Variants in PTPN21 observed in about 807,000 individuals in gnomAD.
PTPN21 encodes protein tyrosine phosphatase non-receptor type 21.
PTPN21 carries 77 observed loss-of-function variants against 131.8 expected under a neutral mutation model. The ratio of observed to expected loss-of-function variants is 0.58; its 90% confidence interval spans 0.49 to 0.71. PTPN21 has a LOEUF of 0.71. Among genes scored for constraint, PTPN21 ranks in the 30% least tolerant of loss-of-function variants. PTPN21 has a pLI of 0.00. For synonymous variants in PTPN21, 715 were observed against 621.3 expected (o/e 1.15, Z -2.24); for missense variants, 1,552 against 1,527.1 (o/e 1.02, Z -0.27).
intron 2 of PTPN21, among the ~76,000 whole-genome samples, chr14:88,541,049 C>A (rs1354642871): frequency 1.3e-5 from 2 of 151,788 alleles, no homozygotes. Context: ...CAAAATAAGT[C>A]AAAACTTATT....
intron 13 of PTPN21, 192 bp from the exon 14 acceptor site, chr14:88,473,994 A>G (rs2077509807): frequency 2.0e-6 from 1 of 511,930 alleles, no homozygotes; most frequent in African/African-American, 2.0e-5. Context: ...TTTCAAGGCC[A>G]AAGCCCTGAT....
intron 10 of PTPN21, among the ~76,000 whole-genome samples, chr14:88,494,908 G>A (rs2077882104): frequency 6.6e-6 from 1 of 150,562 alleles, no homozygotes; most frequent in Non-Finnish European, 1.5e-5. Context: ...AGCTACTCAA[G>A]AGGCTGAGGC....
intron 18 of PTPN21, among the ~76,000 whole-genome samples, 181 bp from the exon 19 acceptor site, chr14:88,468,446 T>C (rs2077400598): frequency 6.6e-6 from 1 of 152,204 alleles, no homozygotes; most frequent in Non-Finnish European, 1.5e-5. Flanking sequence ...GTTTTAGCTA[T>C]AAATAGAATG....
intron 2 of PTPN21, among the ~76,000 whole-genome samples, chr14:88,526,183 G>A (rs1036689657): frequency 6.6e-6 from 1 of 151,990 alleles, no homozygotes; most frequent in African/African-American, 2.4e-5. Context: ...ATTTCCTTTG[G>A]GGGTGATGAA....
chr14:88,536,328 CTT>C (rs1475140586), intron 2 of PTPN21, among the ~76,000 whole-genome samples: 1 of 152,174 alleles, frequency 6.6e-6, no homozygotes, highest in East Asian at 1.9e-4. Flanking sequence ...CATAGCTACT[CTT>C]CTAAAATTGT....
intron 4 of PTPN21, among the ~76,000 whole-genome samples, chr14:88,506,794 C>A (rs2078096999): frequency 6.6e-6 from 1 of 152,074 alleles, no homozygotes; most frequent in African/African-American, 2.4e-5. Context: ...ATAATCCCGG[C>A]ACTTTGGAAG....
At chr14:88,489,455 C>T (rs2077789131) in intron 10 of PTPN21, among the ~76,000 whole-genome samples, 1 of 151,778 alleles carries the variant, frequency 6.6e-6, no homozygotes, top group Admixed American at 6.6e-5. Context: ...GCCTGGGCAA[C>T]ACAGCAAGAC....
At position 88,504,509 on chromosome 14, in the gene PTPN21, A is replaced by T. The variant is rs369824244; in HGVS notation, c.517-14T>A. Reference sequence around the variant, plus strand: ...TTGTAACCATCCCTGAAGAAAACACACAGTGGTAAGTATGTGACAATTCAC... The same window carrying T: ...TTGTAACCATCCCTGAAGAAAACACTCAGTGGTAAGTATGTGACAATTCAC... On this transcript the variant is annotated splice_polypyrimidine_tract_variant and intron_variant, in intron 5 of 18. Transcript: ENST00000556564. The T allele has an allele frequency of 6.2e-7, 1 of 1,604,430 alleles. No homozygotes were observed. Among genetic ancestry groups the T allele is most frequent in the African/African-American group, 1.3e-5 (1 of 74,804 alleles).
intron 3 of PTPN21, among the ~76,000 whole-genome samples, chr14:88,510,953 C>T (rs4516145): frequency 0.35 from 52,325 of 150,626 alleles, 9,675 homozygotes; most frequent in African/African-American, 0.48. Flanking sequence ...TGCTCTATAG[C>T]CCAGGCTGGA....
At chr14:88,485,675 A>G in intron 11 of PTPN21, 107 bp downstream of exon 11, 1 of 762,994 alleles carries the variant, frequency 1.3e-6, no homozygotes, top group African/African-American at 1.7e-5. Context: ...TGAAATATCA[A>G]TACACTTTTA....
At chr14:88,480,480 T>C in intron 12 of PTPN21, 128 bp from the exon 13 acceptor site, 3 of 765,440 alleles carry the variant, frequency 3.9e-6, no homozygotes, top group South Asian at 3.7e-5. Flanking sequence ...TAGAATGACC[T>C]AGCTTTAGCC....
chr14:88,481,401 C>A (rs1051273575), intron 12 of PTPN21, among the ~76,000 whole-genome samples: 1 of 152,168 alleles, frequency 6.6e-6, no homozygotes, highest in South Asian at 2.1e-4. Flanking sequence ...TCTCTGCAAT[C>A]CCCCTTTCCT....
At chr14:88,494,737 G>C (rs1264342081) in intron 10 of PTPN21, among the ~76,000 whole-genome samples, 1 of 151,946 alleles carries the variant, frequency 6.6e-6, no homozygotes, top group Admixed American at 6.6e-5. Context: ...ATCTGGGCAG[G>C]GTGCGGTGGC....
At chr14:88,492,192 A>G (rs1436081318) in intron 10 of PTPN21, among the ~76,000 whole-genome samples, 1 of 152,244 alleles carries the variant, frequency 6.6e-6, no homozygotes, top group Non-Finnish European at 1.5e-5. Context: ...ATAATGGCTC[A>G]ATATTATGAA....
At chr14:88,527,869 T>C (rs1230035215) in intron 2 of PTPN21, among the ~76,000 whole-genome samples, 2 of 152,210 alleles carry the variant, frequency 1.3e-5, no homozygotes, top group African/African-American at 4.8e-5. Flanking sequence ...TTATTATACA[T>C]GTGGCTTGTC....
rs1595358674 is a variant in PTPN21 at position 88,484,962 on chromosome 14, C to T, written c.1078+114G>A. 6.5e-6 allele frequency: 5 copies of T among 767,038 alleles called. 1 individual carries two copies. Among genetic ancestry groups the T allele is most frequent in the East Asian group, 5.1e-5 (2 of 38,988 alleles). The allele number at this position is 767,038 out of a possible 1,614,324, so 47.5% of individuals were successfully genotyped here. A position where few individuals can be genotyped will look rare whatever the true frequency, so the allele number is the denominator to read the frequency against. ...ATCCAGGATAGCTATTATCATGATG[C>T]AATTTGGGGTGCAACTTCAGCCAAA... On this transcript the variant is annotated intron_variant, in intron 12 of 18. Transcript: ENST00000556564.
At chr14:88,490,415 C>T (rs1269801715) in intron 10 of PTPN21, among the ~76,000 whole-genome samples, 1 of 152,126 alleles carries the variant, frequency 6.6e-6, no homozygotes, top group Non-Finnish European at 1.5e-5. Context: ...TGTCCCCATA[C>T]CCAGAGGTCC....
At chr14:88,518,412 ATATTTTTTTTTTTT>A (rs2078332949) in intron 2 of PTPN21, among the ~76,000 whole-genome samples, 1 of 15,902 alleles carries the variant, frequency 6.3e-5, no homozygotes, top group Non-Finnish European at 1.3e-4. Flanking sequence ...ATATATATAT[ATATTTTTTTTTTTT>A]TTTTTTTTTT....
chr14:88,517,008 C>T, intron 3 of PTPN21, 84 bp downstream of exon 3: 5 of 1,493,832 alleles, frequency 3.3e-6, no homozygotes, highest in South Asian at 1.3e-5. Context: ...AAGTTTCAAA[C>T]TTATCTTCTG....
Sources: allele counts gnomAD v4.1 joint callset (sites outside exome capture counted in the v4.1 genomes callset), GRCh38; gene constraint gnomAD v4.1.1; transcripts MANE v1.5; gene names NCBI Gene and HGNC (gene_info 2026-07-23, HGNC 2026-07-21).